Variants in ITSN1 observed in about 807,000 individuals in gnomAD.
The protein encoded by ITSN1 is intersectin 1.
A neutral mutation model predicts 239.8 loss-of-function variants in ITSN1; 58 were observed. The observed-to-expected ratio is 0.24, with a 90% CI of 0.20 to 0.30. ITSN1 has a LOEUF of 0.30. Among genes scored for constraint, ITSN1 ranks in the 10% least tolerant of loss-of-function variants. The pLI, the probability that ITSN1 is intolerant of heterozygous loss-of-function variation, is 1.00. For synonymous variants in ITSN1, 780 were observed against 770.8 expected, an observed-to-expected ratio of 1.01 and a Z score of -0.20; for missense variants, 1,558 against 2,103.3, an observed-to-expected ratio of 0.74 and a Z score of 5.07.
At chr21:33,644,839 C>G (rs1282104856) in intron 1 of ITSN1, among the ~76,000 whole-genome samples, 1 of 125,286 alleles carries the variant, frequency 8.0e-6, no homozygotes, top group Non-Finnish European at 1.7e-5. Flanking sequence ...TTTTTTTTTT[C>G]TTGAGGCAGG....
intron 1 of ITSN1, among the ~76,000 whole-genome samples, chr21:33,711,652 T>TGTG (rs1491569549): frequency 2.2e-4 from 30 of 134,894 alleles, no homozygotes; most frequent in East Asian, 4.2e-4. Flanking sequence ...TTTCTGTGTG[T>TGTG]TGTGTGTGTG....
chr21:33,831,729 A>G (rs1166329458), intron 27 of ITSN1, among the ~76,000 whole-genome samples: 10 of 152,154 alleles, frequency 6.6e-5, no homozygotes, highest in Admixed American at 6.5e-4. Context: ...AATATATAAG[A>G]AACGCATCTT....
chr21:33,881,267 C>T (rs916887237), intron 34 of ITSN1, among the ~76,000 whole-genome samples: 5 of 151,960 alleles, frequency 3.3e-5, no homozygotes, highest in South Asian at 2.1e-4. Flanking sequence ...ATTAGCCGGG[C>T]GTGGTCGCGA....
chr21:33,710,209 G>A (rs549865661), intron 1 of ITSN1, among the ~76,000 whole-genome samples: 15 of 151,760 alleles, frequency 9.9e-5, no homozygotes, highest in African/African-American at 3.4e-4. Flanking sequence ...TTCCCGAGTA[G>A]CTGGGACTGC....
intron 1 of ITSN1, among the ~76,000 whole-genome samples, chr21:33,689,168 C>T (rs1354641131): frequency 1.3e-5 from 2 of 152,302 alleles, no homozygotes; most frequent in African/African-American, 4.8e-5. Flanking sequence ...ATCAAATGTT[C>T]AGGATTGCCT....
Position 33,747,279 on chromosome 21 carries a change from T to C in ITSN1, c.347-2864T>C, listed in dbSNP as rs1372952979. 2.6e-5 allele frequency among the ~76,000 whole-genome samples: 4 copies of C among 152,112 alleles called. No individual in the cohort carries two copies. In the East Asian group the frequency reaches 5.8e-4, roughly 22 times the overall value. ...GTTGAAGATTAATCAATAGAAATTA[T>C]TCAATCTGAAGAATATGGAACAAAA... On this transcript the variant is annotated intron_variant, in intron 5 of 39. Coordinates refer to ENST00000381318, the MANE Select transcript of ITSN1 (RefSeq NM_003024.3).
intron 4 of ITSN1, among the ~76,000 whole-genome samples, chr21:33,727,271 G>C (rs2065883920): frequency 2.0e-5 from 3 of 151,962 alleles, no homozygotes; most frequent in South Asian, 4.2e-4. Context: ...GAGGGGAGGA[G>C]AATAAAGCAG....
At chr21:33,763,628 T>G (rs1053080547) in intron 9 of ITSN1, among the ~76,000 whole-genome samples, 5 of 152,162 alleles carry the variant, frequency 3.3e-5, no homozygotes, top group Non-Finnish European at 7.4e-5. Flanking sequence ...GATTTTTTTT[T>G]TTGTTTTGTT....
intron 20 of ITSN1, among the ~76,000 whole-genome samples, chr21:33,807,723 A>T (rs944471358): frequency 3.9e-5 from 6 of 152,232 alleles, no homozygotes; most frequent in Admixed American, 6.5e-5. Flanking sequence ...AGGAGGTCCA[A>T]AATGAGCAGA....
intron 19 of ITSN1, among the ~76,000 whole-genome samples, chr21:33,801,142 AATTACAGGC>A (rs1418676762): frequency 6.6e-6 from 1 of 152,092 alleles, no homozygotes; most frequent in East Asian, 1.9e-4. Flanking sequence ...AAAGTGCTGA[AATTACAGGC>A]ATGAGCCACC....
At chr21:33,762,362 G>A (rs1428923205) in intron 9 of ITSN1, among the ~76,000 whole-genome samples, 1 of 151,826 alleles carries the variant, frequency 6.6e-6, no homozygotes, top group Middle Eastern at 3.2e-3. Context: ...CACCTCCCGG[G>A]TTCAAGCGAT....
chr21:33,848,122 C>T (rs1365150970), intron 29 of ITSN1, among the ~76,000 whole-genome samples: 1 of 152,246 alleles, frequency 6.6e-6, no homozygotes, highest in Admixed American at 6.5e-5. Context: ...GACTGGACTT[C>T]CCCACCTGTT....
chr21:33,664,133 G>C (rs2089762669), intron 1 of ITSN1, among the ~76,000 whole-genome samples: 1 of 152,150 alleles, frequency 6.6e-6, no homozygotes, highest in South Asian at 2.1e-4. Flanking sequence ...AATATCTGAG[G>C]CTGGGTAATT....
At chr21:33,832,143 A>C (rs960142906) in intron 27 of ITSN1, among the ~76,000 whole-genome samples, 3 of 152,090 alleles carry the variant, frequency 2.0e-5, no homozygotes, top group Admixed American at 1.3e-4. Flanking sequence ...TCTTTGAAAC[A>C]CCAGCACCCC....
intron 30 of ITSN1, among the ~76,000 whole-genome samples, chr21:33,858,438 T>C (rs917297894): frequency 1.3e-5 from 2 of 152,204 alleles, no homozygotes; most frequent in African/African-American, 2.4e-5. Flanking sequence ...ACCTGTCTCC[T>C]GGAGACTTCA....
intron 29 of ITSN1, among the ~76,000 whole-genome samples, chr21:33,847,321 C>T (rs1040466373): frequency 6.6e-6 from 1 of 152,240 alleles, no homozygotes; most frequent in African/African-American, 2.4e-5. Context: ...CATCCCCCAC[C>T]AGTCCCCACC....
chr21:33,717,713 G>T (rs746344024), intron 1 of ITSN1, among the ~76,000 whole-genome samples: 1 of 147,314 alleles, frequency 6.8e-6, no homozygotes, highest in African/African-American at 2.5e-5. Context: ...CCGCCACCAC[G>T]CCCAGCTAAT....
Position 33,772,157 on chromosome 21 carries a change from AGGAGCGCCTGGCCCAGCTGGAGCG to A in ITSN1, c.1142_1165del (p.Glu381_Arg388del). ...CTCCTGGAACAGCAGCGCAAGGAGC[AGGAGCGCCTGGCCCAGCTGGAGCG>A]GGCGGAGCAGGAGAGGAAGGAGCGT... On this transcript the variant is annotated inframe_deletion, in exon 12 of 40. Coordinates refer to ENST00000381318, the MANE Select transcript of ITSN1 (RefSeq NM_003024.3). 2 of 1,614,254 alleles carry A rather than the reference AGGAGCGCCTGGCCCAGCTGGAGCG, an allele frequency of 1.2e-6. No homozygotes were observed. Among genetic ancestry groups the A allele is most frequent in the Non-Finnish European group, 1.7e-6 (2 of 1,180,034 alleles).
intron 5 of ITSN1, among the ~76,000 whole-genome samples, chr21:33,741,295 A>G (rs922018859): frequency 2.0e-5 from 3 of 152,250 alleles, no homozygotes; most frequent in Admixed American, 2.0e-4. Flanking sequence ...ATAATTCAGT[A>G]TAGTTATCAA....
Sources: allele counts gnomAD v4.1 joint callset (sites outside exome capture counted in the v4.1 genomes callset), GRCh38; gene constraint gnomAD v4.1.1; transcripts MANE v1.5; gene names NCBI Gene and HGNC (gene_info 2026-07-23, HGNC 2026-07-21).